CSMD1: variants seen among roughly 807,000 people sequenced by gnomAD.
The protein encoded by CSMD1 is CUB and Sushi multiple domains 1.
A neutral mutation model predicts 417.5 loss-of-function variants in CSMD1; 213 were observed. The observed-to-expected ratio is 0.51, with a 90% CI of 0.46 to 0.57. The LOEUF (loss-of-function observed/expected upper bound fraction) is 0.57, where lower values mean the gene tolerates loss of function less well. Among genes scored for constraint, CSMD1 ranks in the 20% least tolerant of loss-of-function variants. CSMD1 has a pLI of 0.00. For synonymous variants in CSMD1, 2,862 were observed against 1,736.8 expected, an observed-to-expected ratio of 1.65 and a Z score of -16.11; for missense variants, 6,923 against 4,529.7, an observed-to-expected ratio of 1.53 and a Z score of -15.17.
At chr8:4,591,287 G>A (rs867801285) in intron 2 of CSMD1, among the ~76,000 whole-genome samples, 12 of 152,182 alleles carry the variant, frequency 7.9e-5, no homozygotes, top group South Asian at 6.2e-4. Flanking sequence ...GTACGAAGTC[G>A]AACAAAGACC....
chr8:3,169,579 G>C (rs1296651136), intron 37 of CSMD1, among the ~76,000 whole-genome samples: 2 of 152,060 alleles, frequency 1.3e-5, no homozygotes, highest in Non-Finnish European at 2.9e-5. Flanking sequence ...GAACATTGTA[G>C]AGATTGGCTA....
chr8:4,139,602 G>T (rs73176396), intron 3 of CSMD1, among the ~76,000 whole-genome samples: 1 of 150,958 alleles, frequency 6.6e-6, no homozygotes, highest in Non-Finnish European at 1.5e-5. Context: ...GCATCAAGGG[G>T]ACAAGGAGCA....
At chr8:4,545,819 C>A (rs1797604445) in intron 2 of CSMD1, among the ~76,000 whole-genome samples, 1 of 152,242 alleles carries the variant, frequency 6.6e-6, no homozygotes, top group African/African-American at 2.4e-5. Flanking sequence ...AGCTCATCAT[C>A]TAGGCCACAC....
At chr8:4,978,831 G>T (rs968284971) in intron 1 of CSMD1, among the ~76,000 whole-genome samples, 1 of 151,814 alleles carries the variant, frequency 6.6e-6, no homozygotes, top group Non-Finnish European at 1.5e-5. Context: ...CCAGCTACTC[G>T]GGAGGTTGAG....
chr8:4,243,666 T>C (rs1324133910), intron 3 of CSMD1, among the ~76,000 whole-genome samples: 1 of 152,108 alleles, frequency 6.6e-6, no homozygotes, highest in Non-Finnish European at 1.5e-5. Context: ...TGTGTGATAT[T>C]GCAACTTAAT....
intron 7 of CSMD1, among the ~76,000 whole-genome samples, chr8:3,694,116 G>C (rs1453037379): frequency 6.6e-6 from 1 of 151,792 alleles, no homozygotes; most frequent in Admixed American, 6.6e-5. Context: ...GTATAGGTGT[G>C]TTTGCTGTGT....
intron 5 of CSMD1, among the ~76,000 whole-genome samples, chr8:3,779,165 G>GTC (rs1179404098): frequency 6.6e-6 from 1 of 151,848 alleles, no homozygotes; most frequent in East Asian, 1.9e-4. Flanking sequence ...GTGTGTGTGT[G>GTC]TGTGTGTGTG....
chr8:3,541,963 C>T (rs1335032418), intron 10 of CSMD1, among the ~76,000 whole-genome samples: 2 of 151,972 alleles, frequency 1.3e-5, no homozygotes, highest in Admixed American at 6.6e-5. Context: ...TTGGAGTGAG[C>T]CTAGATGGAG....
chr8:3,891,368 T>C (rs796153149), intron 5 of CSMD1, among the ~76,000 whole-genome samples: 8 of 152,182 alleles, frequency 5.3e-5, no homozygotes, highest in African/African-American at 1.9e-4. Flanking sequence ...TTCTTGAAAT[T>C]AGGTCAATTC....
At chr8:4,586,553 A>G (rs1799710553) in intron 2 of CSMD1, among the ~76,000 whole-genome samples, 1 of 151,846 alleles carries the variant, frequency 6.6e-6, no homozygotes, top group African/African-American at 2.4e-5. Context: ...GTTTTTATGG[A>G]CGTAACCTTT....
At chr8:4,684,108 A>G (rs1391897366) in intron 1 of CSMD1, among the ~76,000 whole-genome samples, 2 of 152,274 alleles carry the variant, frequency 1.3e-5, no homozygotes, top group Non-Finnish European at 2.9e-5. Flanking sequence ...GTGAAAAAGC[A>G]TATTACATAA....
chr8:3,384,309 T>C (rs549177276), intron 18 of CSMD1, among the ~76,000 whole-genome samples: 7 of 152,042 alleles, frequency 4.6e-5, no homozygotes, highest in African/African-American at 1.7e-4. Context: ...TGTACATTTT[T>C]AAACATTTTT....
At chr8:3,490,382 T>C (rs1048351925) in intron 11 of CSMD1, among the ~76,000 whole-genome samples, 2 of 152,190 alleles carry the variant, frequency 1.3e-5, no homozygotes, top group Non-Finnish European at 2.9e-5. Flanking sequence ...GAGTGTATGA[T>C]TTTAGATCTT....
At chr8:3,760,479 G>A (rs1320355851) in intron 5 of CSMD1, among the ~76,000 whole-genome samples, 1 of 152,102 alleles carries the variant, frequency 6.6e-6, no homozygotes, top group African/African-American at 2.4e-5. Context: ...TACATTTTAG[G>A]ATTCTATTTA....
At chr8:3,271,561 C>T (rs568231718) in intron 26 of CSMD1, among the ~76,000 whole-genome samples, 1 of 151,422 alleles carries the variant, frequency 6.6e-6, no homozygotes, top group Non-Finnish European at 1.5e-5. Context: ...TAAAAGTGTT[C>T]CTATTTCTCC....
intron 2 of CSMD1, among the ~76,000 whole-genome samples, chr8:4,614,976 G>C (rs563029315): frequency 6.6e-6 from 1 of 152,110 alleles, no homozygotes; most frequent in Non-Finnish European, 1.5e-5. Flanking sequence ...AGTCGTATTT[G>C]TAGTACAAAG....
At chr8:4,302,127 T>G (rs372136858) in intron 3 of CSMD1, among the ~76,000 whole-genome samples, 1 of 152,274 alleles carries the variant, frequency 6.6e-6, no homozygotes, top group South Asian at 2.1e-4. Flanking sequence ...GCAAGCTATC[T>G]TGCTAACAAA....
chr8:4,124,915 A>T (rs989073016), intron 3 of CSMD1, among the ~76,000 whole-genome samples: 1 of 152,168 alleles, frequency 6.6e-6, no homozygotes, highest in African/African-American at 2.4e-5. Context: ...TAAGCATAAG[A>T]CACCCAAGCC....
At chr8:3,642,055 T>A (rs1585006251) in intron 7 of CSMD1, among the ~76,000 whole-genome samples, 2 of 152,196 alleles carry the variant, frequency 1.3e-5, no homozygotes, top group East Asian at 3.9e-4. Flanking sequence ...CTGGAACTTC[T>A]ACTTCGATGG....
Sources: allele counts gnomAD v4.1 joint callset (sites outside exome capture counted in the v4.1 genomes callset), GRCh38; gene constraint gnomAD v4.1.1; transcripts MANE v1.5; gene names NCBI Gene and HGNC (gene_info 2026-07-23, HGNC 2026-07-21).